The following LRRTM4 variants were observed in gnomAD, a reference collection of about 807,000 sequenced individuals.
LRRTM4 encodes leucine-rich repeat transmembrane neuronal protein 4.
In LRRTM4, 25 loss-of-function variants were observed where a neutral mutation model predicts 47.6. That is an observed-to-expected ratio of 0.53 (90% confidence interval 0.38 to 0.73). The LOEUF is 0.73. Among genes scored for constraint, LRRTM4 ranks in the 30% least tolerant of loss-of-function variants. The pLI, the probability that LRRTM4 is intolerant of heterozygous loss-of-function variation, is 0.00. For missense variants in LRRTM4, 638 were observed against 713.4 expected, an observed-to-expected ratio of 0.89 and a Z score of 1.20; for synonymous variants, 311 against 269.5, an observed-to-expected ratio of 1.15 and a Z score of -1.51.
At chr2:77,224,136 C>T (rs540219239) in intron 3 of LRRTM4, among the ~76,000 whole-genome samples, 6 of 151,398 alleles carry the variant, frequency 4.0e-5, no homozygotes, top group African/African-American at 1.5e-4. Context: ...ATAAATGGTG[C>T]TGGGAAAACT....
chr2:76,776,207 G>A lies in LRRTM4; in HGVS notation c.1552-27291C>T, dbSNP rs9715387. On this transcript the variant is annotated intron_variant, in intron 3 of 3. Coordinates refer to ENST00000409884, the MANE Select transcript of LRRTM4 (RefSeq NM_001134745.3). ...AGTCTTTGCTGTTGTGAATAATGCC[G>A]CAATAAACATACATGTGCATGTGTC... Among the ~76,000 whole-genome samples, 29 of 152,208 alleles carry A rather than the reference G, an allele frequency of 1.9e-4. No individual in the cohort carries two copies. The South Asian group carries it at 3.3e-3, about 17-fold the overall frequency.
intron 3 of LRRTM4, among the ~76,000 whole-genome samples, chr2:77,483,113 T>G (rs971073949): frequency 1.5e-5 from 1 of 64,628 alleles, no homozygotes; most frequent in Non-Finnish European, 2.5e-5. Flanking sequence ...AGAGCAAGAC[T>G]GTCTCAAAAA....
At chr2:76,764,369 C>T (rs894111249) in intron 3 of LRRTM4, among the ~76,000 whole-genome samples, 3 of 152,168 alleles carry the variant, frequency 2.0e-5, no homozygotes, top group South Asian at 2.1e-4. Flanking sequence ...CAGTGGCTCA[C>T]GCCTGTAATC....
At chr2:77,455,571 C>A (rs958516070) in intron 3 of LRRTM4, among the ~76,000 whole-genome samples, 2 of 151,964 alleles carry the variant, frequency 1.3e-5, no homozygotes, top group African/African-American at 4.8e-5. Flanking sequence ...ATTTTCATAC[C>A]CTTTTTTCCT....
At chr2:76,968,841 T>C (rs1205853795) in intron 3 of LRRTM4, among the ~76,000 whole-genome samples, 1 of 151,946 alleles carries the variant, frequency 6.6e-6, no homozygotes, top group Non-Finnish European at 1.5e-5. Context: ...CCCTTTCTCA[T>C]TGATTTGTGG....
chr2:76,971,533 A>T (rs145164663), intron 3 of LRRTM4, among the ~76,000 whole-genome samples: 3 of 152,034 alleles, frequency 2.0e-5, no homozygotes, highest in African/African-American at 7.2e-5. Flanking sequence ...GTCTCACAGG[A>T]TAATGGCAGG....
intron 3 of LRRTM4, among the ~76,000 whole-genome samples, chr2:77,453,335 C>A (rs1261919362): frequency 6.6e-6 from 1 of 151,892 alleles, no homozygotes; most frequent in Non-Finnish European, 1.5e-5. Flanking sequence ...GCGCCCACCA[C>A]CACGCCTGGC....
At chr2:77,131,907 T>C (rs1671812638) in intron 3 of LRRTM4, among the ~76,000 whole-genome samples, 1 of 152,192 alleles carries the variant, frequency 6.6e-6, no homozygotes, top group Non-Finnish European at 1.5e-5. Context: ...ATTTATGGGG[T>C]ACATGTGATA....
chr2:77,132,988 ATATATAT>A (rs1671842568), intron 3 of LRRTM4, among the ~76,000 whole-genome samples: 1 of 152,156 alleles, frequency 6.6e-6, no homozygotes, highest in South Asian at 2.1e-4. Context: ...TCTATTATAG[ATATATAT>A]TATAGATATT....
intron 3 of LRRTM4, among the ~76,000 whole-genome samples, chr2:76,977,002 T>G (rs984735398): frequency 2.7e-5 from 3 of 112,246 alleles, no homozygotes; most frequent in African/African-American, 2.0e-4. Flanking sequence ...AAAAAAGCAT[T>G]AATAGGCTGT....
chr2:77,037,213 G>A (rs1372874291), intron 3 of LRRTM4, among the ~76,000 whole-genome samples: 3 of 151,678 alleles, frequency 2.0e-5, no homozygotes, highest in Non-Finnish European at 4.4e-5. Flanking sequence ...GAGAGAATAT[G>A]GGCTTCACGG....
rs1283977447 is a variant in LRRTM4, at chr2:76,799,004, C to T, written c.1552-50088G>A. Among the ~76,000 whole-genome samples, 1,416 of 150,472 alleles carry T rather than the reference C, an allele frequency of 9.4e-3. 21 individuals are homozygous for T. Among genetic ancestry groups the T allele is most frequent in the African/African-American group, 0.033 (1,336 of 40,752 alleles). On this transcript the variant is annotated intron_variant, in intron 3 of 3. Coordinates refer to ENST00000409884, the MANE Select transcript of LRRTM4 (RefSeq NM_001134745.3). Reference sequence around the variant, plus strand: ...AGTCCAGGACCAGATGGATTCACAGCCGAATTCTACCAGAGGTATAAGGAG... The same window carrying T: ...AGTCCAGGACCAGATGGATTCACAGTCGAATTCTACCAGAGGTATAAGGAG...
chr2:77,394,509 C>T (rs986764529), intron 3 of LRRTM4, among the ~76,000 whole-genome samples: 3 of 151,822 alleles, frequency 2.0e-5, no homozygotes, highest in Admixed American at 6.6e-5. Flanking sequence ...TGCAAGATGG[C>T]CATTCTGACA....
At chr2:76,823,028 CAAA>C (rs1671096231) in intron 3 of LRRTM4, among the ~76,000 whole-genome samples, 1 of 151,016 alleles carries the variant, frequency 6.6e-6, no homozygotes. Context: ...GCATTATGTC[CAAA>C]AACACTACAG....
At chr2:77,003,177 T>C (rs1443545995) in intron 3 of LRRTM4, among the ~76,000 whole-genome samples, 4 of 122,292 alleles carry the variant, frequency 3.3e-5, no homozygotes, top group East Asian at 3.9e-4. Context: ...ATGTTCTTAT[T>C]TGTTATTTTC....
At chr2:77,091,193 T>A (rs917609623) in intron 3 of LRRTM4, among the ~76,000 whole-genome samples, 8 of 151,490 alleles carry the variant, frequency 5.3e-5, no homozygotes, top group Admixed American at 4.6e-4. Context: ...CAGCTATATC[T>A]CATTGCCGCC....
chr2:77,144,791 TAA>T (rs1012903460), intron 3 of LRRTM4, among the ~76,000 whole-genome samples: 6 of 152,058 alleles, frequency 3.9e-5, no homozygotes, highest in African/African-American at 1.4e-4. Context: ...ACTAGCCAAA[TAA>T]AGAGATTCAG....
At chr2:77,061,622 A>C (rs1461684064) in intron 3 of LRRTM4, among the ~76,000 whole-genome samples, 1 of 152,156 alleles carries the variant, frequency 6.6e-6, no homozygotes, top group African/African-American at 2.4e-5. Flanking sequence ...CAGCATTGCT[A>C]ATTTTCATAT....
At chr2:76,781,280 C>T (rs1329241951) in intron 3 of LRRTM4, among the ~76,000 whole-genome samples, 2 of 152,266 alleles carry the variant, frequency 1.3e-5, no homozygotes, top group African/African-American at 4.8e-5. Context: ...GTGGGCTCCA[C>T]CCAGTTCGAG....
Sources: allele counts gnomAD v4.1 joint callset (sites outside exome capture counted in the v4.1 genomes callset), GRCh38; gene constraint gnomAD v4.1.1; transcripts MANE v1.5; gene names NCBI Gene and HGNC (gene_info 2026-07-23, HGNC 2026-07-21).